Variants in TSNARE1 observed in about 807,000 individuals in gnomAD.
TSNARE1 encodes the protein t-SNARE domain containing 1, also known as t-SNARE domain-containing protein 1.
Under a neutral mutation model 62.0 loss-of-function variants are expected in TSNARE1, and 49 were observed. That is an observed-to-expected ratio of 0.79 (90% confidence interval 0.63 to 1.00). The LOEUF (loss-of-function observed/expected upper bound fraction) is 1.00. Among genes scored for constraint, TSNARE1 ranks in the 50% least tolerant of loss-of-function variants. The pLI, the probability that TSNARE1 is intolerant of heterozygous loss-of-function variation, is 0.00. For synonymous variants in TSNARE1, 328 were observed against 294.4 expected, an observed-to-expected ratio of 1.11 and a Z score of -1.17; for missense variants, 755 against 700.1, an observed-to-expected ratio of 1.08 and a Z score of -0.88.
intron 9 of TSNARE1, among the ~76,000 whole-genome samples, chr8:142,309,444 T>C (rs778580319): frequency 4.6e-5 from 7 of 152,238 alleles, no homozygotes; most frequent in Non-Finnish European, 1.0e-4. Context: ...TATTCCTAGT[T>C]TGCCAAGAGT....
intron 1 of TSNARE1, among the ~76,000 whole-genome samples, chr8:142,357,944 C>T (rs1834873261): frequency 6.6e-6 from 1 of 152,038 alleles, no homozygotes; most frequent in African/African-American, 2.4e-5. Context: ...GCCATCACTG[C>T]AAAGGGCGGC....
chr8:142,229,530 G>A lies in TSNARE1; in HGVS notation c.1496C>T (p.Ala499Val), dbSNP rs2130071269. 1.2e-6 allele frequency: 2 copies of A among 1,614,100 alleles called. No homozygotes were observed. The highest frequency in any genetic ancestry group is 1.1e-5 in the South Asian group (1 of 91,078). Residue 499 changes from alanine to valine, a missense_variant, in exon 13 of 14, where the codon GCC becomes GTC. Coordinates refer to ENST00000524325, the MANE Select transcript of TSNARE1 (RefSeq NM_145003.5). ...GATGATGATGATGATGACAAGCAGG[G>A]CAGTGACTCCAGCTGATAGGAAGCA... is the stretch of plus-strand genomic sequence containing the variant. Reference protein sequence around the residue: ...KCCFLSAGVTALLVIIIIIAT... With the variant: ...KCCFLSAGVTVLLVIIIIIAT...
intron 12 of TSNARE1, among the ~76,000 whole-genome samples, chr8:142,266,121 T>A (rs1049182360): frequency 2.6e-5 from 4 of 152,220 alleles, no homozygotes; most frequent in Non-Finnish European, 5.9e-5. Flanking sequence ...AGGCTAAAAT[T>A]AATCAATATT....
chr8:142,272,975 G>C (rs893337715), intron 12 of TSNARE1: 6 of 985,456 alleles, frequency 6.1e-6, no homozygotes, highest in South Asian at 4.7e-5. Flanking sequence ...ATACTCCCTG[G>C]TGGACCCCCT....
At chr8:142,326,531 G>A (rs1191031126) in intron 6 of TSNARE1, among the ~76,000 whole-genome samples, 3 of 140,196 alleles carry the variant, frequency 2.1e-5, no homozygotes, top group Non-Finnish European at 1.5e-5. Flanking sequence ...CGGAGAGCAC[G>A]AGACAGATGA....
chr8:142,280,503 G>C (rs1326494757), intron 11 of TSNARE1, among the ~76,000 whole-genome samples: 2 of 152,116 alleles, frequency 1.3e-5, no homozygotes, highest in Admixed American at 1.3e-4. Flanking sequence ...CTACTCTCTG[G>C]GCCTCCCGCC....
Position 142,314,433 on chromosome 8 carries a change from GCAATTTT to G in TSNARE1, c.1075_1081del (p.Lys359GlnfsTer76). On this transcript the variant is annotated frameshift_variant and splice_region_variant, in exon 9 of 14. Coordinates refer to ENST00000524325, the MANE Select transcript of TSNARE1 (RefSeq NM_145003.5). LOFTEE classifies it high-confidence loss of function. ...GGGAAGCAGCGCTCTGGACTTTTCT[GCAATTTT>G]CTGTTGAAAAAAGGACAAGAGAAGA... 1.2e-6 allele frequency: 2 copies of G among 1,613,906 alleles called. No homozygotes were observed. The highest frequency in any genetic ancestry group is 1.7e-6 in the Non-Finnish European group (2 of 1,179,920).
At chr8:142,396,652 G>C (rs1201716095) in intron 1 of TSNARE1, among the ~76,000 whole-genome samples, 1 of 152,260 alleles carries the variant, frequency 6.6e-6, no homozygotes, top group Non-Finnish European at 1.5e-5. Context: ...CCGGGCAGCA[G>C]AACGGTGAGC....
At chr8:142,295,956 G>A (rs554152126) in intron 10 of TSNARE1, among the ~76,000 whole-genome samples, 2 of 145,222 alleles carry the variant, frequency 1.4e-5, no homozygotes, top group African/African-American at 5.2e-5. Context: ...CTAGCACTGG[G>A]GGCTGGCTAT....
At chr8:142,257,313 T>G (rs1423935184) in intron 12 of TSNARE1, among the ~76,000 whole-genome samples, 1 of 152,172 alleles carries the variant, frequency 6.6e-6, no homozygotes. Context: ...CAAGGTCCTC[T>G]GCAGGGCCGG....
intron 2 of TSNARE1, among the ~76,000 whole-genome samples, chr8:142,348,262 A>C (rs4510986): frequency 0.48 from 72,932 of 152,014 alleles, 20,475 homozygotes; most frequent in African/African-American, 0.77. Context: ...GCGGGTCACT[A>C]GAGAGCCTTC....
At position 142,274,777 on chromosome 8, in the gene TSNARE1, T is replaced by G. The variant is rs2130605286; in HGVS notation, c.1446+4A>C. On this transcript the variant is annotated splice_donor_region_variant and intron_variant, in intron 12 of 13. Coordinates refer to ENST00000524325, the MANE Select transcript of TSNARE1 (RefSeq NM_145003.5). Reference sequence around the variant, plus strand: ...CGGGCACTGTGGCCCTCACACGGACTTACTTGGTGCCGGCTGGCTCCAGCC... The same window carrying G: ...CGGGCACTGTGGCCCTCACACGGACGTACTTGGTGCCGGCTGGCTCCAGCC... 6.4e-7 allele frequency: 1 copy of G among 1,561,132 alleles called. No individual in the cohort carries two copies. Among genetic ancestry groups the G allele is most frequent in the Admixed American group, 1.9e-5 (1 of 53,446 alleles).
chr8:142,384,975 C>T (rs1055979509), intron 1 of TSNARE1, among the ~76,000 whole-genome samples: 1 of 152,014 alleles, frequency 6.6e-6, no homozygotes. Context: ...AGAATTCCTA[C>T]AACTCAACAA....
At chr8:142,257,444 A>AC (rs1818641921) in intron 12 of TSNARE1, among the ~76,000 whole-genome samples, 1 of 151,282 alleles carries the variant, frequency 6.6e-6, no homozygotes, top group African/African-American at 2.4e-5. Flanking sequence ...CCTCCTGGAG[A>AC]CCCCCAGGCA....
At chr8:142,273,306 T>C in intron 12 of TSNARE1, 2 of 985,426 alleles carry the variant, frequency 2.0e-6, no homozygotes, top group Non-Finnish European at 2.4e-6. Flanking sequence ...CTGGCTGGCT[T>C]TCCTCTTGAA....
At chr8:142,312,637 G>C (rs1296856604) in intron 9 of TSNARE1, among the ~76,000 whole-genome samples, 1 of 152,204 alleles carries the variant, frequency 6.6e-6, no homozygotes, top group African/African-American at 2.4e-5. Context: ...TTCCTGTAAA[G>C]TACTTGTTGC....
intron 9 of TSNARE1, among the ~76,000 whole-genome samples, chr8:142,311,588 G>A (rs901438062): frequency 5.3e-5 from 8 of 152,206 alleles, no homozygotes; most frequent in African/African-American, 1.4e-4. Flanking sequence ...GAGCCACCAC[G>A]CCTGGCAAGG....
chr8:142,293,512 G>A (rs568935464), intron 10 of TSNARE1, among the ~76,000 whole-genome samples: 4 of 152,330 alleles, frequency 2.6e-5, no homozygotes, highest in East Asian at 3.9e-4. Flanking sequence ...TAAGTAAACC[G>A]AGGCTCCAGG....
At chr8:142,386,243 G>A (rs1837103911) in intron 1 of TSNARE1, among the ~76,000 whole-genome samples, 1 of 152,140 alleles carries the variant, frequency 6.6e-6, no homozygotes, top group Admixed American at 6.5e-5. Flanking sequence ...ATTAGAGTGT[G>A]GCTATCTGGG....
Sources: allele counts gnomAD v4.1 joint callset (sites outside exome capture counted in the v4.1 genomes callset), GRCh38; gene constraint gnomAD v4.1.1; transcripts MANE v1.5; gene names NCBI Gene and HGNC (gene_info 2026-07-23, HGNC 2026-07-21).